Variants in PTPRE observed in about 807,000 individuals in gnomAD.
PTPRE encodes receptor-type tyrosine-protein phosphatase epsilon.
PTPRE carries 51 observed loss-of-function variants against 102.0 expected under a neutral mutation model. The observed-to-expected ratio is 0.50, with a 90% confidence interval of 0.40 to 0.63. PTPRE has a LOEUF of 0.63. PTPRE is among the 30% of genes least tolerant of loss of function. The probability of loss-of-function intolerance (pLI) is 0.00; values close to 1 mark genes in which losing one functional copy is unlikely to be tolerated. For synonymous variants in PTPRE, 345 were observed against 348.2 expected (o/e 0.99, Z 0.10); for missense variants, 752 against 915.1 (o/e 0.82, Z 2.30).
At chr10:127,990,460 A>T (rs1303200863) in intron 2 of PTPRE, among the ~76,000 whole-genome samples, 1 of 151,716 alleles carries the variant, frequency 6.6e-6, no homozygotes, top group Non-Finnish European at 1.5e-5. Flanking sequence ...AAGCGGAGTG[A>T]CTTAGACTTG....
intron 7 of PTPRE, among the ~76,000 whole-genome samples, chr10:128,057,181 C>T (rs1272311909): frequency 6.6e-6 from 1 of 151,638 alleles, no homozygotes; most frequent in East Asian, 1.9e-4. Flanking sequence ...CGCGCCATTG[C>T]ACTCCAGCCT....
At chr10:128,045,726 C>T (rs1241641451) in intron 3 of PTPRE, among the ~76,000 whole-genome samples, 3 of 152,216 alleles carry the variant, frequency 2.0e-5, no homozygotes, top group African/African-American at 7.2e-5. Flanking sequence ...CTCAGGCCAG[C>T]TCACTTCCCC....
intron 12 of PTPRE, chr10:128,068,497 C>G: frequency 2.2e-6 from 1 of 456,946 alleles, no homozygotes. Flanking sequence ...TCGATAAAAC[C>G]CACCAAAGCC....
chr10:128,021,835 C>T (rs774939919), intron 2 of PTPRE, among the ~76,000 whole-genome samples: 29 of 152,230 alleles, frequency 1.9e-4, no homozygotes, highest in Non-Finnish European at 3.2e-4. Context: ...TCTCTTACCA[C>T]GTGCTTCCCG....
At chr10:127,910,857 G>A (rs1013374261) in intron 1 of PTPRE, among the ~76,000 whole-genome samples, 9 of 152,114 alleles carry the variant, frequency 5.9e-5, no homozygotes, top group Admixed American at 2.0e-4. Flanking sequence ...GCTGAAGCAC[G>A]CAGATCACTT....
chr10:127,987,181 C>A, intron 2 of PTPRE: 1 of 346,738 alleles, frequency 2.9e-6, no homozygotes, highest in Non-Finnish European at 4.1e-6. Flanking sequence ...AATCCTTTGT[C>A]ACAGAGCAAA....
chr10:127,981,025 T>G (rs556714862), intron 1 of PTPRE, among the ~76,000 whole-genome samples: 26 of 152,326 alleles, frequency 1.7e-4, no homozygotes, highest in Middle Eastern at 3.4e-3. Context: ...GAGGCTGCCA[T>G]GCTGACCACT....
Position 128,041,098 on chromosome 10 carries a change from GA to G in PTPRE, c.109+110del, listed in dbSNP as rs142793837. ...AGGGTAAGAGAAGAATGGTGTGGCT[GA>G]ATTTCTTAGTGTGCTTTTAATAGTT... On this transcript the variant is annotated intron_variant, in intron 3 of 20. Transcript: ENST00000254667. The G allele has an allele frequency of 4.1e-3, 3,730 of 904,180 alleles. 92 individuals are homozygous for G. In the African/African-American group the frequency reaches 0.055, roughly 13 times the overall value. 56.0% of individuals were successfully genotyped at this position (904,180 alleles called of 1,614,324 possible).
Position 128,070,915 on chromosome 10 carries a change from G to A in PTPRE, c.1387+14G>A, listed in dbSNP as rs955768807. 6.2e-7 allele frequency: 1 copy of A among 1,608,496 alleles called. No individual in the cohort carries two copies. The highest frequency in any genetic ancestry group is 8.5e-7 in the Non-Finnish European group (1 of 1,175,010). ...AGATCATCCCGTGTAAGGCACCCGT[G>A]GCGTGGCTTGGGCAGGGCTGGGGCG... On this transcript the variant is annotated intron_variant, in intron 15 of 20. Transcript: ENST00000254667. This position sits in a 1 kb window ranked among gnomAD's most constrained non-coding sequence, Gnocchi z 4.8.
At chr10:128,057,210 T>C (rs1005496550) in intron 7 of PTPRE, among the ~76,000 whole-genome samples, 1 of 142,148 alleles carries the variant, frequency 7.0e-6, no homozygotes, top group African/African-American at 2.7e-5. Context: ...AGAGCGAAAC[T>C]CCATCTCAAA....
chr10:128,062,493 C>G (rs1005778517), intron 9 of PTPRE, among the ~76,000 whole-genome samples: 1 of 152,230 alleles, frequency 6.6e-6, no homozygotes. Context: ...CACGGCAGGA[C>G]AGCAGCAGGG....
intron 2 of PTPRE, among the ~76,000 whole-genome samples, chr10:127,992,506 CAGCTCGGGGCTTCCTGAAGCCG>C (rs1015914240): frequency 6.6e-5 from 10 of 152,212 alleles, no homozygotes; most frequent in African/African-American, 2.4e-4. Context: ...TCTTGGGCCT[CAGCTCGGGGCTTCCTGAAGCCG>C]AGCTTCCCTG....
At chr10:127,940,584 C>G (rs948974985) in intron 1 of PTPRE, among the ~76,000 whole-genome samples, 1 of 152,214 alleles carries the variant, frequency 6.6e-6, no homozygotes, top group Non-Finnish European at 1.5e-5. Context: ...TGCACCTCTG[C>G]TGCTGGGCAG....
chr10:127,947,597 T>A lies in PTPRE; in HGVS notation c.-30-34677T>A, dbSNP rs1848717158. 2.6e-5 allele frequency among the ~76,000 whole-genome samples: 4 copies of A among 152,272 alleles called. No individual in the cohort carries two copies. In the South Asian group the frequency reaches 8.3e-4, roughly 31 times the overall value. On this transcript the variant is annotated intron_variant, in intron 1 of 20. Coordinates refer to ENST00000254667, the MANE Select transcript of PTPRE (RefSeq NM_006504.6). ...GTTTAAAAGGTATGCTTTAAAAAGATATGCTCTTACATAACTTTTCTGTGC... is the reference window on the plus strand; with the variant it reads ...GTTTAAAAGGTATGCTTTAAAAAGAAATGCTCTTACATAACTTTTCTGTGC...
At chr10:128,045,325 G>A (rs1848003315) in intron 3 of PTPRE, among the ~76,000 whole-genome samples, 1 of 152,226 alleles carries the variant, frequency 6.6e-6, no homozygotes, top group East Asian at 1.9e-4. Flanking sequence ...GACCCACGGA[G>A]GGCTGGTGGG....
chr10:128,015,903 C>A (rs777487366), intron 2 of PTPRE, among the ~76,000 whole-genome samples: 1 of 152,154 alleles, frequency 6.6e-6, no homozygotes, highest in African/African-American at 2.4e-5. Flanking sequence ...GAATGGGCTG[C>A]GGTGCCCATG....
At chr10:128,047,666 CT>C (rs1287735177) in intron 4 of PTPRE, 97 bp from the exon 5 acceptor site, 20 of 1,614,042 alleles carry the variant, frequency 1.2e-5, no homozygotes, top group Non-Finnish European at 1.5e-5. Context: ...ACAGGAGTAG[CT>C]TTTCCCGGCT....
chr10:127,924,526 G>A (rs71474234), intron 1 of PTPRE, among the ~76,000 whole-genome samples: 10,710 of 152,188 alleles, frequency 0.07, 434 homozygotes, highest in Non-Finnish European at 0.087. Context: ...ACTGCATCTG[G>A]CCAGGTGAGC....
At position 128,066,145 on chromosome 10, in the gene PTPRE, A is replaced by G; in HGVS notation, c.794A>G (p.Asp265Gly). Reference sequence around the variant, plus strand: ...GGAAACATCCGGGTGTGCGTGGAGGACTGCGTGGTTTTGGTCGACTACACC... The same window carrying G: ...GGAAACATCCGGGTGTGCGTGGAGGGCTGCGTGGTTTTGGTCGACTACACC... ...TYGNIRVCVE[D>G]CVVLVDYTIR... Residue 265 changes from aspartate to glycine, a missense_variant, in exon 11 of 21, where the codon GAC becomes GGC. Coordinates refer to ENST00000254667, the MANE Select transcript of PTPRE (RefSeq NM_006504.6). 1 of 1,614,170 alleles carries G rather than the reference A, an allele frequency of 6.2e-7. No homozygotes were observed. Among genetic ancestry groups the G allele is most frequent in the Non-Finnish European group, 8.5e-7 (1 of 1,180,028 alleles).
Sources: gnomAD v4.1 joint callset for allele counts (sites outside exome capture counted in the v4.1 genomes callset) on GRCh38, gnomAD v4.1.1 for gene constraint, Gnocchi (gnomAD v3.1) non-coding constraint, MANE v1.5 for transcripts, NCBI Gene and HGNC (gene_info 2026-07-23, HGNC 2026-07-21) for gene names.